Variants in SECISBP2L observed in about 807,000 individuals in gnomAD.
SECISBP2L encodes selenocysteine insertion sequence-binding protein 2-like.
In SECISBP2L, 43 loss-of-function variants were observed where a neutral mutation model predicts 114.7. That is an observed-to-expected ratio of 0.38 (90% confidence interval 0.29 to 0.48). SECISBP2L has a LOEUF of 0.48. SECISBP2L is among the 20% of genes least tolerant of loss of function. SECISBP2L has a pLI of 0.98. For synonymous variants in SECISBP2L, 451 were observed against 439.7 expected (o/e 1.03, Z -0.32); for missense variants, 1,136 against 1,301.1 (o/e 0.87, Z 1.95).
intron 4 of SECISBP2L, among the ~76,000 whole-genome samples, chr15:49,029,899 C>T (rs200248695): frequency 5.6e-5 from 8 of 142,338 alleles, no homozygotes; most frequent in African/African-American, 1.0e-4. Flanking sequence ...TGAGGCTGAT[C>T]TTTTTTTTTT....
intron 10 of SECISBP2L, 62 bp from the exon 11 acceptor site, chr15:49,016,763 A>G (rs2141072252): frequency 3.9e-6 from 6 of 1,527,382 alleles, no homozygotes; most frequent in Non-Finnish European, 5.3e-6. Context: ...GCATTTTAAG[A>G]TGACTACATT....
intron 17 of SECISBP2L, 113 bp downstream of exon 17, chr15:48,996,254 T>G: frequency 9.3e-7 from 1 of 1,072,308 alleles, no homozygotes; most frequent in Non-Finnish European, 1.3e-6. Context: ...TAAACCAAAT[T>G]TCGAGCAACA....
Position 49,000,840 on chromosome 15 carries a change from A to G in SECISBP2L, c.2248+37T>C. On this transcript the variant is annotated intron_variant, in intron 15 of 17. Coordinates refer to ENST00000559471, the MANE Select transcript of SECISBP2L (RefSeq NM_001193489.2). ...TATATTCACTGTATATCCCACAGCT[A>G]TACTATCAAAACACTTCAAAAGCAA... The G allele has an allele frequency of 3.3e-6, 5 of 1,533,410 alleles. No individual in the cohort carries two copies. The South Asian group carries it at 5.9e-5, about 18-fold the overall frequency. 95.0% of individuals were successfully genotyped at this position (1,533,410 alleles called of 1,614,324 possible).
intron 8 of SECISBP2L, among the ~76,000 whole-genome samples, chr15:49,018,596 A>C (rs1485652397): frequency 6.6e-6 from 1 of 152,122 alleles, no homozygotes; most frequent in East Asian, 1.9e-4. Context: ...CTCTGACCTC[A>C]AGCAAGTTTT....
intron 11 of SECISBP2L, among the ~76,000 whole-genome samples, chr15:49,014,243 A>C (rs1902493659): frequency 6.6e-6 from 1 of 152,088 alleles, no homozygotes; most frequent in African/African-American, 2.4e-5. Context: ...CTTCTGTAAC[A>C]TTACACTCCT....
At chr15:49,037,866 T>C in intron 1 of SECISBP2L, 97 bp from the exon 2 acceptor site, 1 of 909,754 alleles carries the variant, frequency 1.1e-6, no homozygotes, top group Non-Finnish European at 1.6e-6. Context: ...TTATAAACAG[T>C]AATTAGGTCT....
At chr15:49,011,512 C>G (rs1902435722) in intron 13 of SECISBP2L, 1 of 407,714 alleles carries the variant, frequency 2.5e-6, no homozygotes, top group East Asian at 3.6e-5. Context: ...ATTTAAGCCT[C>G]AAAAATGTCA....
chr15:49,019,991 G>C (rs749477600), intron 7 of SECISBP2L, among the ~76,000 whole-genome samples: 1 of 152,100 alleles, frequency 6.6e-6, no homozygotes, highest in Non-Finnish European at 1.5e-5. Context: ...ACTGTATGAA[G>C]GCATACAAAA....
At position 49,033,031 on chromosome 15, in the gene SECISBP2L, T is replaced by C. The variant is rs1274794873; in HGVS notation, c.598A>G (p.Thr200Ala). 1 of 1,614,146 alleles carries C rather than the reference T, an allele frequency of 6.2e-7. No homozygotes were observed. Among genetic ancestry groups the C allele is most frequent in the African/African-American group, 1.3e-5 (1 of 75,046 alleles). The change falls in exon 4 of 18, where the codon ACA (threonine) becomes GCA (alanine). Residue 200 changes from threonine to alanine, a missense_variant. This residue lies in a region of SECISBP2L where 452 missense variants were observed against 452.3 expected (regional missense o/e 1.00). Transcript: ENST00000559471. ...LVKNVATQKE[T>A]NAAGPDSRSK... Reference sequence around the variant, plus strand: ...CGACTATCAGGACCTGCTGCATTTGTTTCTTTCTGAGTAGCTACATTTTTC... The same window carrying C: ...CGACTATCAGGACCTGCTGCATTTGCTTCTTTCTGAGTAGCTACATTTTTC...
At chr15:49,018,757 C>T (rs17392679) in intron 8 of SECISBP2L, among the ~76,000 whole-genome samples, 9,358 of 152,136 alleles carry the variant, frequency 0.062, 408 homozygotes, top group Non-Finnish European at 0.088. Context: ...CAAATGTTAC[C>T]TACCCTGCCA....
intron 2 of SECISBP2L, 75 bp from the exon 3 acceptor site, chr15:49,035,733 TACAC>T: frequency 7.5e-7 from 1 of 1,339,244 alleles, no homozygotes; most frequent in Non-Finnish European, 1.0e-6. Flanking sequence ...TCTCTTAACT[TACAC>T]TAATAAAAGA....
intron 17 of SECISBP2L, among the ~76,000 whole-genome samples, chr15:48,994,587 CTT>C (rs765332059): frequency 1.1e-4 from 16 of 152,288 alleles, no homozygotes; most frequent in Non-Finnish European, 2.4e-4. Flanking sequence ...CAGCTGTACT[CTT>C]TCTGCAGATG....
chr15:49,003,254 T>C (rs757211744), intron 14 of SECISBP2L, among the ~76,000 whole-genome samples: 1 of 151,938 alleles, frequency 6.6e-6, no homozygotes, highest in Admixed American at 6.6e-5. Context: ...ATTATTGGTG[T>C]GTAGGAATGC....
At chr15:49,027,564 C>A in intron 6 of SECISBP2L, 84 bp from the exon 7 acceptor site, 1 of 720,012 alleles carries the variant, frequency 1.4e-6, no homozygotes, top group Non-Finnish European at 2.2e-6. Flanking sequence ...TACTGAAATT[C>A]AGTCACTAGA....
intron 11 of SECISBP2L, chr15:49,016,327 C>G (rs1160911759): frequency 2.7e-6 from 1 of 367,798 alleles, no homozygotes; most frequent in African/African-American, 2.1e-5. Context: ...GTTTTGCAGG[C>G]AGGACAGATA....
chr15:49,046,120 A>G (rs542873304), intron 1 of SECISBP2L, among the ~76,000 whole-genome samples, 156 bp downstream of exon 1: 2 of 152,324 alleles, frequency 1.3e-5, no homozygotes, highest in South Asian at 4.1e-4. Context: ...CAGCTGGAAC[A>G]ATGAAGGAGA....
chr15:49,035,283 A>G, intron 3 of SECISBP2L, 51 bp downstream of exon 3: 1 of 1,524,764 alleles, frequency 6.6e-7, no homozygotes. Context: ...AATTGCTTAT[A>G]CTAATATAAG....
chr15:49,006,730 A>T (rs1244790194), intron 14 of SECISBP2L, among the ~76,000 whole-genome samples: 2 of 152,078 alleles, frequency 1.3e-5, no homozygotes, highest in African/African-American at 4.8e-5. Flanking sequence ...GTTAACATTG[A>T]ATTAGAACAT....
intron 7 of SECISBP2L, among the ~76,000 whole-genome samples, chr15:49,023,999 T>C (rs1902692157): frequency 6.6e-6 from 1 of 152,134 alleles, no homozygotes; most frequent in South Asian, 2.1e-4. Flanking sequence ...ACCTATTCCA[T>C]AAAATAAAGC....
Sources: gnomAD v4.1 joint callset for allele counts (sites outside exome capture counted in the v4.1 genomes callset) on GRCh38, gnomAD v4.1.1 for gene constraint, gnomAD v4.1.1 regional missense constraint, MANE v1.5 for transcripts, NCBI Gene and HGNC (gene_info 2026-07-23, HGNC 2026-07-21) for gene names.